BEST3: variants seen among roughly 807,000 people sequenced by gnomAD.
BEST3 encodes bestrophin 3, also known as bestrophin-3.
Under a neutral mutation model 47.1 loss-of-function variants are expected in BEST3, and 50 were observed. The ratio of observed to expected loss-of-function variants is 1.06; its 90% CI spans 0.85 to 1.34. The LOEUF (loss-of-function observed/expected upper bound fraction) is 1.34. Ranked by LOEUF, BEST3 falls within the 40% of genes most tolerant of loss-of-function variation. BEST3 has a pLI of 0.00. For synonymous variants in BEST3, 282 were observed against 298.8 expected (o/e 0.94, Z 0.58); for missense variants, 765 against 817.0 (o/e 0.94, Z 0.78).
chr12:69,696,651 G>A (rs1379450005), intron 2 of BEST3, among the ~76,000 whole-genome samples: 2 of 152,068 alleles, frequency 1.3e-5, no homozygotes, highest in Admixed American at 6.6e-5. Flanking sequence ...AAAAATAGCT[G>A]TACCTATTTT....
chr12:69,689,079 C>T (rs1453516865), intron 4 of BEST3: 18 of 985,384 alleles, frequency 1.8e-5, no homozygotes, highest in Non-Finnish European at 2.2e-5. Context: ...CCAGTCCTCT[C>T]TGCCCTCAGG....
chr12:69,659,925 G>C (rs371383340), intron 9 of BEST3: 5 of 152,128 alleles, frequency 3.3e-5, no homozygotes, highest in Non-Finnish European at 7.3e-5. Context: ...TTTGGACTGA[G>C]AGAGGCAGGT....
intron 9 of BEST3, chr12:69,669,639 A>C (rs1284669529): frequency 6.6e-6 from 1 of 152,208 alleles, no homozygotes; most frequent in African/African-American, 2.4e-5. Context: ...AGGTGATAAT[A>C]ATCATCATGC....
chr12:69,651,750 T>G (rs1822421548), downstream of BEST3, among the ~76,000 whole-genome samples: 1 of 140,424 alleles, frequency 7.1e-6, no homozygotes, highest in South Asian at 2.3e-4. Context: ...ACTCCAGCTC[T>G]GGGCGACAAA....
rs185008809 is a variant in BEST3, at chr12:69,656,482, C to T, written c.1101-669G>A. 6.8e-3 allele frequency among the ~76,000 whole-genome samples: 1,029 copies of T among 152,054 alleles called. 12 individuals are homozygous for T. Among genetic ancestry groups the T allele is most frequent in the Middle Eastern group, 0.044 (13 of 294 alleles). ...CAAGGACCCATAAAACCCCCCTTAA[C>T]AATGGATCATAGGTAAATTCACGAG... On this transcript the variant is annotated intron_variant, in intron 9 of 9. Transcript: ENST00000330891.
intron 9 of BEST3, among the ~76,000 whole-genome samples, chr12:69,646,832 CT>C (rs1883051764): frequency 6.6e-6 from 1 of 152,096 alleles, no homozygotes; most frequent in Admixed American, 6.5e-5. Flanking sequence ...CTTGGTTGTG[CT>C]TTTCCTTTGG....
intron 2 of BEST3, 91 bp from the exon 3 acceptor site, chr12:69,694,555 A>G: frequency 3.6e-6 from 2 of 556,542 alleles, no homozygotes; most frequent in South Asian, 4.0e-5. Flanking sequence ...ATTAAGCACA[A>G]ATAATCTTTT....
chr12:69,658,501 A>G (rs1281746121), intron 9 of BEST3, among the ~76,000 whole-genome samples: 1 of 152,216 alleles, frequency 6.6e-6, no homozygotes, highest in Non-Finnish European at 1.5e-5. Flanking sequence ...CCTGGCTCAT[A>G]AGACTATGGA....
At chr12:69,685,723 A>G (rs1263032595) in intron 4 of BEST3, among the ~76,000 whole-genome samples, 1 of 152,182 alleles carries the variant, frequency 6.6e-6, no homozygotes, top group Non-Finnish European at 1.5e-5. Context: ...CCCTAGATCT[A>G]GATTCTGATT....
chr12:69,665,856 A>G (rs1884177829), intron 9 of BEST3, among the ~76,000 whole-genome samples: 1 of 152,124 alleles, frequency 6.6e-6, no homozygotes, highest in African/African-American at 2.4e-5. Flanking sequence ...TGTTTTTTTA[A>G]GTATGAAAAT....
In BEST3 at chr12:69,645,129, A is replaced by G. The variant is rs578068471; in HGVS notation, c.1101-1342T>C. 4.6e-5 allele frequency among the ~76,000 whole-genome samples: 7 copies of G among 152,284 alleles called. No individual in the cohort carries two copies. In the South Asian group the frequency reaches 6.2e-4, roughly 14 times the overall value. ...TTGATGAAATGCCAGGGTGAAAGGG[A>G]TGGCCAATTGAATTACAGCACAAAT... On this transcript the variant is annotated intron_variant, in intron 9 of 9. Coordinates refer to the BEST3 transcript ENST00000331471.
At chr12:69,650,354 T>C (rs1460677904), downstream of BEST3, among the ~76,000 whole-genome samples, 4 of 152,326 alleles carry the variant, frequency 2.6e-5, no homozygotes, top group Non-Finnish European at 5.9e-5. Flanking sequence ...TGGAAAAGCC[T>C]GTCCCAAAAA....
intron 4 of BEST3, among the ~76,000 whole-genome samples, chr12:69,686,369 T>C (rs1446025399): frequency 6.6e-6 from 1 of 152,224 alleles, no homozygotes; most frequent in Non-Finnish European, 1.5e-5. Flanking sequence ...ACAGTATTAA[T>C]TCCATGTTAG....
At chr12:69,666,716 T>C (rs1271855886) in intron 9 of BEST3, among the ~76,000 whole-genome samples, 6 of 152,220 alleles carry the variant, frequency 3.9e-5, no homozygotes, top group African/African-American at 1.2e-4. Context: ...CTTCTGTCCC[T>C]GGACTCACTG....
At chr12:69,671,674 A>C (rs1164112392) in intron 8 of BEST3, 95 bp from the exon 9 acceptor site, 2 of 1,138,804 alleles carry the variant, frequency 1.8e-6, no homozygotes, top group Non-Finnish European at 2.6e-6. Context: ...TTGGGCTAGG[A>C]CACAGTCTAA....
intron 9 of BEST3, among the ~76,000 whole-genome samples, chr12:69,665,617 AC>A (rs999004163): frequency 5.0e-5 from 2 of 39,814 alleles, no homozygotes; most frequent in African/African-American, 8.7e-5. Context: ...ACACAAAAAA[AC>A]AAACAAAAAA....
In BEST3 at chr12:69,677,259, T is replaced by A. The variant is rs746472418; in HGVS notation, c.637-2A>T. On this transcript the variant is annotated splice_acceptor_variant, in intron 5 of 9. Coordinates refer to ENST00000330891, the MANE Select transcript of BEST3 (RefSeq NM_032735.3). LOFTEE classifies it high-confidence loss of function. ...CCAAGAGCGGTATCGATTCATTTCC[T>A]AAGCCAGAAACAGATCAAGCATGAT... 3.1e-6 allele frequency: 5 copies of A among 1,608,440 alleles called. No homozygotes were observed. In the South Asian group the frequency reaches 5.6e-5, roughly 18 times the overall value.
At chr12:69,694,165 T>G in intron 3 of BEST3, 2 of 572,040 alleles carry the variant, frequency 3.5e-6, no homozygotes, top group Non-Finnish European at 6.2e-6. Context: ...AAATGTCCAA[T>G]AGCAGATTAT....
intron 2 of BEST3, 74 bp from the exon 3 acceptor site, chr12:69,694,538 G>A: frequency 1.5e-6 from 1 of 679,462 alleles, no homozygotes; most frequent in Admixed American, 3.5e-5. Flanking sequence ...GACATTAAGT[G>A]CAAACAATTA....
Sources: allele counts gnomAD v4.1 joint callset (sites outside exome capture counted in the v4.1 genomes callset), GRCh38; gene constraint gnomAD v4.1.1; transcripts MANE v1.5; gene names NCBI Gene and HGNC (gene_info 2026-07-23, HGNC 2026-07-21).